The following NKAIN2 variants were observed in gnomAD, a reference collection of about 807,000 sequenced individuals.
NKAIN2 encodes sodium/potassium transporting ATPase interacting 2.
A neutral mutation model predicts 32.6 loss-of-function variants in NKAIN2; 14 were observed. The observed-to-expected ratio is 0.43, with a 90% CI of 0.28 to 0.67. The LOEUF is 0.67. Ranked by LOEUF, NKAIN2 falls within the 30% of genes least tolerant of loss-of-function variation. The probability of loss-of-function intolerance (pLI) is 0.17; values close to 1 mark genes in which losing one functional copy is unlikely to be tolerated. For synonymous variants in NKAIN2, 80 were observed against 87.2 expected, an observed-to-expected ratio of 0.92 and a Z score of 0.46; for missense variants, 198 against 258.3, an observed-to-expected ratio of 0.77 and a Z score of 1.60.
intron 1 of NKAIN2, among the ~76,000 whole-genome samples, chr6:124,243,524 G>A (rs1793223169): frequency 6.6e-6 from 1 of 151,514 alleles, no homozygotes; most frequent in South Asian, 2.1e-4. Context: ...AAAAAAAGAA[G>A]GAAGATGCTG....
intron 3 of NKAIN2, among the ~76,000 whole-genome samples, chr6:124,519,353 A>G (rs1355185484): frequency 1.3e-5 from 2 of 152,214 alleles, no homozygotes; most frequent in South Asian, 2.1e-4. Flanking sequence ...CTGACCATCA[A>G]TGAGGATTGA....
intron 1 of NKAIN2, among the ~76,000 whole-genome samples, chr6:124,013,500 C>T (rs1174575945): frequency 2.6e-5 from 4 of 152,074 alleles, no homozygotes; most frequent in Non-Finnish European, 5.9e-5. Context: ...GGTGAGGTGA[C>T]ATAAGGAGTT....
intron 1 of NKAIN2, among the ~76,000 whole-genome samples, chr6:123,827,131 AATCT>A (rs1774181561): frequency 6.6e-6 from 1 of 152,096 alleles, no homozygotes; most frequent in Admixed American, 6.6e-5. Flanking sequence ...ATTGGCCATT[AATCT>A]ATCTTTTATG....
intron 4 of NKAIN2, among the ~76,000 whole-genome samples, chr6:124,709,676 G>A (rs1404179307): frequency 2.4e-4 from 36 of 150,916 alleles, no homozygotes; most frequent in African/African-American, 3.9e-4. Flanking sequence ...CTGTGGGATC[G>A]GTGGTGATAT....
chr6:124,310,843 CA>C (rs1316867352), intron 2 of NKAIN2, among the ~76,000 whole-genome samples: 1 of 152,004 alleles, frequency 6.6e-6, no homozygotes, highest in Non-Finnish European at 1.5e-5. Flanking sequence ...AGATTAGCAG[CA>C]AAAGGAAGGC....
intron 3 of NKAIN2, among the ~76,000 whole-genome samples, chr6:124,655,594 T>C (rs1309787247): frequency 6.6e-5 from 10 of 152,134 alleles, no homozygotes; most frequent in Middle Eastern, 3.2e-3. Context: ...GGGACTTTCA[T>C]TGCAAAATTC....
chr6:124,451,914 C>A (rs943359985), intron 3 of NKAIN2, among the ~76,000 whole-genome samples: 4 of 151,566 alleles, frequency 2.6e-5, no homozygotes, highest in Admixed American at 6.6e-5. Flanking sequence ...AACCTGGAGG[C>A]TCGACATGGT....
At chr6:124,272,215 T>C (rs138835090) in intron 1 of NKAIN2, among the ~76,000 whole-genome samples, 338 of 152,322 alleles carry the variant, frequency 2.2e-3, no homozygotes, top group African/African-American at 7.7e-3. Context: ...CAGAGGTCTT[T>C]ACGCAGCCCT....
intron 1 of NKAIN2, among the ~76,000 whole-genome samples, chr6:124,007,961 A>G (rs1284375612): frequency 1.3e-5 from 2 of 152,166 alleles, no homozygotes; most frequent in Non-Finnish European, 2.9e-5. Flanking sequence ...AGGGGATAAC[A>G]GATCAAAAGT....
intron 2 of NKAIN2, among the ~76,000 whole-genome samples, chr6:124,338,657 C>T (rs963803439): frequency 2.0e-5 from 3 of 151,998 alleles, no homozygotes; most frequent in African/African-American, 4.8e-5. Context: ...CAAAAAAAGT[C>T]TTATATTGTT....
intron 3 of NKAIN2, among the ~76,000 whole-genome samples, chr6:124,627,036 A>C (rs1334066552): frequency 6.6e-6 from 1 of 152,158 alleles, no homozygotes; most frequent in Non-Finnish European, 1.5e-5. Context: ...TTGGGAGGAC[A>C]AGGTGGGTGG....
intron 3 of NKAIN2, among the ~76,000 whole-genome samples, chr6:124,415,297 G>A (rs954149659): frequency 1.3e-5 from 2 of 152,252 alleles, no homozygotes; most frequent in East Asian, 3.9e-4. Flanking sequence ...TCTTGAAGTT[G>A]ACTAATTTTC....
At chr6:124,004,152 T>C (rs766004686) in intron 1 of NKAIN2, among the ~76,000 whole-genome samples, 11 of 152,194 alleles carry the variant, frequency 7.2e-5, no homozygotes, top group Non-Finnish European at 1.2e-4. Flanking sequence ...ACTTTTAATA[T>C]CTTGGGAAAA....
At chr6:124,735,515 ATATCTTGTTT>A in intron 4 of NKAIN2, among the ~76,000 whole-genome samples, 1 of 151,906 alleles carries the variant, frequency 6.6e-6, no homozygotes, top group South Asian at 2.1e-4. Context: ...AAATATAGAC[ATATCTTGTTT>A]TATTGGGCTT....
intron 1 of NKAIN2, among the ~76,000 whole-genome samples, chr6:124,240,887 G>A (rs1297815067): frequency 6.6e-6 from 1 of 152,116 alleles, no homozygotes; most frequent in East Asian, 1.9e-4. Context: ...GGAAGTTCTG[G>A]CTGGGGTAAT....
At position 124,776,872 on chromosome 6, in the gene NKAIN2, G is replaced by C. The variant is rs377653775; in HGVS notation, c.475-14467G>C. Among the ~76,000 whole-genome samples, 22 of 151,894 alleles carry C rather than the reference G, an allele frequency of 1.4e-4. No individual in the cohort carries two copies. In the East Asian group the frequency reaches 2.5e-3, roughly 17 times the overall value. On this transcript the variant is annotated intron_variant, in intron 4 of 6. Coordinates refer to ENST00000368417, the MANE Select transcript of NKAIN2 (RefSeq NM_001040214.3). ...GTCTTTTATCAGTTACTTACATTTAGCAGAATTAGAAGGTCTCATTTTTCT... is the reference window on the plus strand; with the variant it reads ...GTCTTTTATCAGTTACTTACATTTACCAGAATTAGAAGGTCTCATTTTTCT...
intron 1 of NKAIN2, among the ~76,000 whole-genome samples, chr6:124,054,131 A>T (rs1782535775): frequency 6.6e-6 from 1 of 152,084 alleles, no homozygotes; most frequent in South Asian, 2.1e-4. Context: ...ATAAAATCAA[A>T]TTAGGTGTAG....
chr6:123,954,160 A>C (rs1777457174), intron 1 of NKAIN2, among the ~76,000 whole-genome samples: 1 of 152,166 alleles, frequency 6.6e-6, no homozygotes, highest in African/African-American at 2.4e-5. Flanking sequence ...GTGGAGATGC[A>C]AGGGCTGTTT....
chr6:124,193,947 T>C (rs1251928345), intron 1 of NKAIN2, among the ~76,000 whole-genome samples: 2 of 152,010 alleles, frequency 1.3e-5, no homozygotes, highest in African/African-American at 4.8e-5. Context: ...CACAGCTGGT[T>C]GTGTCATCAT....
Sources: allele counts gnomAD v4.1 joint callset (sites outside exome capture counted in the v4.1 genomes callset), GRCh38; gene constraint gnomAD v4.1.1; transcripts MANE v1.5; gene names NCBI Gene and HGNC (gene_info 2026-07-23, HGNC 2026-07-21).